Variants in AMACR observed in about 807,000 individuals in gnomAD.
AMACR encodes alpha-methylacyl-CoA racemase, also known as 2-methylacyl-CoA racemase.
In AMACR, 18 loss-of-function variants were observed where a neutral mutation model predicts 22.2. The observed-to-expected ratio is 0.81, with a 90% CI of 0.56 to 1.20. The LOEUF is 1.20. Ranked by LOEUF, AMACR falls within the 50% of genes most tolerant of loss-of-function variation. AMACR has a pLI of 0.00. For missense variants in AMACR, 499 were observed against 490.6 expected (o/e 1.02, Z -0.16); for synonymous variants, 213 against 191.3 (o/e 1.11, Z -0.94).
In AMACR at chr5:33,988,726, G is replaced by A. The variant is rs1191498428; in HGVS notation, c.*367C>T. 9.2e-6 allele frequency: 11 copies of A among 1,193,348 alleles called. No individual in the cohort carries two copies. Among genetic ancestry groups the A allele is most frequent in the Non-Finnish European group, 1.1e-5 (11 of 959,298 alleles). 73.9% of individuals were successfully genotyped at this position (1,193,348 alleles called of 1,614,324 possible). Reference sequence around the variant, plus strand: ...GTGGCATTTCCTCATTTTCTACATTGTAGAATCAAGAGTGTAAATAAATGT... The same window carrying A: ...GTGGCATTTCCTCATTTTCTACATTATAGAATCAAGAGTGTAAATAAATGT... On this transcript the variant is annotated 3_prime_UTR_variant, in exon 5 of 5. Transcript: ENST00000335606.
intron 4 of AMACR, among the ~76,000 whole-genome samples, chr5:33,992,338 T>A (rs1352781358): frequency 6.6e-6 from 1 of 151,360 alleles, no homozygotes; most frequent in Non-Finnish European, 1.5e-5. Flanking sequence ...AGAAAGAATG[T>A]CTTTGCTATA....
Position 33,989,290 on chromosome 5 carries a change from T to G in AMACR, c.952A>C (p.Ser318Arg), listed in dbSNP as rs757726794. 1 of 1,614,152 alleles carries G rather than the reference T, an allele frequency of 6.2e-7. No individual in the cohort carries two copies. The change falls in exon 5 of 5, where the codon AGT becomes CGT. Residue 318 changes from serine (S) to arginine (R), a missense_variant. Physicochemically the swap from Ser to Arg is moderately radical, Grantham distance 110. Transcript: ENST00000335606. Reference protein sequence around the residue: ...HNKERGSFITSEEQDVSPRPA... With the variant: ...HNKERGSFITREEQDVSPRPA... ...CGGGGGCTCACGTCCTGCTCCTCAC[T>G]GGTGATAAACGAGCCCCGTTCCTTG... is the stretch of plus-strand genomic sequence containing the variant.
chr5:34,001,712 T>A (rs187676988), intron 3 of AMACR, among the ~76,000 whole-genome samples: 206 of 152,298 alleles, frequency 1.4e-3, no homozygotes, highest in African/African-American at 4.6e-3. Context: ...GAAACAGCAC[T>A]ACAATAAGGC....
Position 33,989,479 on chromosome 5 carries a change from G to A in AMACR, c.763C>T (p.Leu255Phe). ...IKGLGLKSDELPNQMSMDDWP... is the reference protein window; with the variant it reads ...IKGLGLKSDEFPNQMSMDDWP... ...TCATCCATGCTCATCTGATTGGGAAGTTCATCAGACTTTAGTCCAAGTCCT... is the reference window on the plus strand; with the variant it reads ...TCATCCATGCTCATCTGATTGGGAAATTCATCAGACTTTAGTCCAAGTCCT... Residue 255 changes from leucine (L) to phenylalanine (F), a missense_variant, in exon 5 of 5, where the codon CTT (leucine) becomes TTT (phenylalanine). Transcript: ENST00000335606. 6.2e-7 allele frequency: 1 copy of A among 1,614,100 alleles called. No homozygotes were observed. The highest frequency in any genetic ancestry group is 1.3e-5 in the African/African-American group (1 of 75,022).
At position 33,986,178 on chromosome 5, in the gene AMACR, T is replaced by C. The variant is rs1753286180; in HGVS notation, c.*2915A>G. 3 of 152,236 alleles carry C rather than the reference T, an allele frequency of 2.0e-5. No homozygotes were observed. The highest frequency in any genetic ancestry group is 2.0e-4 in the Admixed American group (3 of 15,288). 9.4% of individuals were successfully genotyped at this position (152,236 alleles called of 1,614,324 possible). A position where few individuals can be genotyped will look rare whatever the true frequency, so the allele number is the denominator to read the frequency against. ...AATAAATTGATATCTTTTCATAAAC[T>C]TTTTATAAATATAGACATTCTATTT... is the stretch of plus-strand genomic sequence containing the variant. On this transcript the variant is annotated 3_prime_UTR_variant, in exon 5 of 5. Transcript: ENST00000335606.
rs9282594 is a variant in AMACR at position 33,998,668 on chromosome 5, G to A, written c.712C>T (p.Pro238Ser). Residue 238 changes from proline (P) to serine (S), a missense_variant, in exon 4 of 5, where the codon CCC (proline) becomes TCC (serine). Transcript: ENST00000335606. The part of the protein sequence containing the change: ...GEFMAVGAIE[P>S]QFYELLIKGL... Reference sequence around the variant, plus strand: ...TTGATCAGCAGCTCGTAGAACTGGGGTTCTATTGCTCCAACAGCCATGAAT... The same window carrying A: ...TTGATCAGCAGCTCGTAGAACTGGGATTCTATTGCTCCAACAGCCATGAAT... The A allele has an allele frequency of 4.5e-3, 7,176 of 1,612,120 alleles. 268 individuals carry two copies. The African/African-American group carries it at 0.084, about 19-fold the overall frequency.
chr5:33,998,766 T>C lies in AMACR; in HGVS notation c.614A>G (p.Glu205Gly). 1.2e-6 allele frequency: 2 copies of C among 1,614,070 alleles called. No homozygotes were observed. The highest frequency in any genetic ancestry group is 1.7e-6 in the Non-Finnish European group (2 of 1,180,010). ...CAACATGTTCTGTCCTCGAGGTGCTTCCCACAGACTCAATTTCTGAGTTTT... is the reference window on the plus strand; with the variant it reads ...CAACATGTTCTGTCCTCGAGGTGCTCCCCACAGACTCAATTTCTGAGTTTT... ...LWKTQKLSLW[E>G]APRGQNMLDG... Residue 205 changes from glutamate (E) to glycine (G), a missense_variant, in exon 4 of 5, where the codon GAA (glutamate) becomes GGA (glycine). Glu to Gly is a moderately conservative substitution (Grantham distance 98, BLOSUM62 -2). Coordinates refer to ENST00000335606, the MANE Select transcript of AMACR (RefSeq NM_014324.6).
At chr5:33,995,899 T>G (rs1243207660) in intron 4 of AMACR, among the ~76,000 whole-genome samples, 6 of 152,306 alleles carry the variant, frequency 3.9e-5, no homozygotes, top group African/African-American at 1.4e-4. Flanking sequence ...GCAGTGAGCT[T>G]TGTGGTGTTA....
chr5:33,993,285 A>G (rs1018068017), intron 4 of AMACR, among the ~76,000 whole-genome samples: 8 of 152,164 alleles, frequency 5.3e-5, no homozygotes, highest in African/African-American at 1.9e-4. Context: ...ATCACATTCC[A>G]TTTTATGTCT....
Position 33,989,265 on chromosome 5 carries a change from C to CGG in AMACR, c.975_976dup (p.Arg326ProfsTer8). The CGG allele has an allele frequency of 1.2e-6, 2 of 1,614,030 alleles. No individual in the cohort carries two copies. Among genetic ancestry groups the CGG allele is most frequent in the Non-Finnish European group, 1.7e-6 (2 of 1,179,976 alleles). On this transcript the variant is annotated frameshift_variant, in exon 5 of 5. Transcript: ENST00000335606. LOFTEE classifies it low-confidence loss of function (END_TRUNC). Reference sequence around the variant, plus strand: ...GGTGTTTAACAGCAGAGGTGCAGGGCGGGGGCTCACGTCCTGCTCCTCACT... The same window carrying CGG: ...GGTGTTTAACAGCAGAGGTGCAGGGCGGGGGGGCTCACGTCCTGCTCCTCACT...
In AMACR at chr5:34,001,416, A is replaced by G. The variant is rs1045378307; in HGVS notation, c.553-2589T>C. 2.6e-5 allele frequency among the ~76,000 whole-genome samples: 4 copies of G among 152,214 alleles called. No individual in the cohort carries two copies. The East Asian group carries it at 5.8e-4, about 22-fold the overall frequency. On this transcript the variant is annotated intron_variant, in intron 3 of 4. Transcript: ENST00000335606. ...AAGTGGGCCTTTGCCTTGTTTGAAC[A>G]TGGTTTGAACAGCTGGCCGCCTGTG...
intron 4 of AMACR, chr5:33,997,301 A>G: frequency 1.3e-6 from 1 of 773,470 alleles, no homozygotes; most frequent in Non-Finnish European, 2.4e-6. Context: ...AAACTGAAGC[A>G]TCCCCCAGCA....
chr5:34,004,458 G>T, intron 3 of AMACR, 116 bp downstream of exon 3: 1 of 1,347,828 alleles, frequency 7.4e-7, no homozygotes, highest in South Asian at 1.2e-5. Context: ...TGGTAACCTG[G>T]CTTGAAACTT....
In AMACR at chr5:34,007,853, T is replaced by TCCAGCACTAGCGAGCGCTTGCC; in HGVS notation, c.145_166dup (p.Asp56GlyfsTer93). The stretch of plus-strand genomic sequence containing the variant: ...GGCGGCTCCCCGCGGCTGCTTCAGG[T>TCCAGCACTAGCGAGCGCTTGCC]CCAGCACTAGCGAGCGCTTGCCCCG... On this transcript the variant is annotated frameshift_variant, in exon 1 of 5. Transcript: ENST00000335606. LOFTEE classifies it high-confidence loss of function. The TCCAGCACTAGCGAGCGCTTGCC allele has an allele frequency of 6.3e-7, 1 of 1,583,650 alleles. No individual in the cohort carries two copies. The highest frequency in any genetic ancestry group is 8.6e-7 in the Non-Finnish European group (1 of 1,167,842).
chr5:34,007,503 G>GA (rs138553455), intron 1 of AMACR, among the ~76,000 whole-genome samples: 39 of 151,690 alleles, frequency 2.6e-4, no homozygotes, highest in African/African-American at 8.5e-4. Flanking sequence ...ACGTTTCTTA[G>GA]AAAAAAAAGG....
chr5:33,991,901 C>T (rs1753487524), intron 4 of AMACR, among the ~76,000 whole-genome samples: 1 of 152,052 alleles, frequency 6.6e-6, no homozygotes. Flanking sequence ...TTATTTAAGA[C>T]AGAGTCTCAC....
intron 4 of AMACR, among the ~76,000 whole-genome samples, chr5:33,989,772 T>G (rs555082221): frequency 2.6e-5 from 4 of 152,306 alleles, no homozygotes; most frequent in African/African-American, 9.6e-5. Context: ...TTCCAGAAAT[T>G]GATTTCCTAC....
rs776398193 is a variant in AMACR at position 33,989,257 on chromosome 5, G to T, written c.985C>A (p.Pro329Thr). ...EEQDVSPRPA[P>T]LLLNTPAIPS... is the part of the protein sequence containing the mutation. ...ATGGCTGGGGTGTTTAACAGCAGAG[G>T]TGCAGGGCGGGGGCTCACGTCCTGC... Residue 329 changes from proline (P) to threonine (T), a missense_variant, in exon 5 of 5, where the codon CCT (proline) becomes ACT (threonine). Transcript: ENST00000335606. 2 of 1,614,124 alleles carry T rather than the reference G, an allele frequency of 1.2e-6. No homozygotes were observed. Among genetic ancestry groups the T allele is most frequent in the Non-Finnish European group, 1.7e-6 (2 of 1,179,996 alleles).
chr5:33,990,053 C>A (rs944149251), intron 4 of AMACR, among the ~76,000 whole-genome samples: 1 of 152,026 alleles, frequency 6.6e-6, no homozygotes, highest in Admixed American at 6.6e-5. Flanking sequence ...GAGTATACTG[C>A]AAGCTACTCG....
Sources: allele counts gnomAD v4.1 joint callset (sites outside exome capture counted in the v4.1 genomes callset), GRCh38; gene constraint gnomAD v4.1.1; transcripts MANE v1.5; gene names NCBI Gene and HGNC (gene_info 2026-07-23, HGNC 2026-07-21).